The following MYO9B variants were observed in gnomAD, a reference collection of about 807,000 sequenced individuals.
MYO9B encodes the protein myosin IXB.
MYO9B carries 71 observed loss-of-function variants against 229.5 expected under a neutral mutation model. That is an observed-to-expected ratio of 0.31 (90% CI 0.26 to 0.38). MYO9B has a LOEUF of 0.38. Ranked by LOEUF, MYO9B falls within the 10% of genes least tolerant of loss-of-function variation. MYO9B has a pLI of 1.00. For synonymous variants in MYO9B, 1,185 were observed against 1,235.8 expected, an observed-to-expected ratio of 0.96 and a Z score of 0.86; for missense variants, 2,255 against 2,920.5, an observed-to-expected ratio of 0.77 and a Z score of 5.25.
At chr19:17,133,579 C>T (rs1218977211) in intron 2 of MYO9B, among the ~76,000 whole-genome samples, 1 of 151,952 alleles carries the variant, frequency 6.6e-6, no homozygotes, top group East Asian at 1.9e-4. Context: ...GCCTCAGCCT[C>T]CTGAGTATCT....
intron 21 of MYO9B, 59 bp from the exon 22 acceptor site, chr19:17,194,497 G>A: frequency 1.3e-6 from 2 of 1,563,112 alleles, no homozygotes; most frequent in Non-Finnish European, 1.7e-6. Context: ...TCGGAACTCA[G>A]TGGGAGGTGG....
At chr19:17,190,514 C>T (rs542117225) in intron 19 of MYO9B, among the ~76,000 whole-genome samples, 2 of 150,962 alleles carry the variant, frequency 1.3e-5, no homozygotes, top group South Asian at 4.2e-4. Flanking sequence ...GACTATGTGC[C>T]GTAGTCCCAG....
At chr19:17,142,196 G>A (rs949268009) in intron 2 of MYO9B, among the ~76,000 whole-genome samples, 13 of 151,022 alleles carry the variant, frequency 8.6e-5, no homozygotes, top group African/African-American at 1.7e-4. Flanking sequence ...AAAAAGAAGC[G>A]GCAACCAGAC....
At chr19:17,156,406 C>A (rs2072538231) in intron 6 of MYO9B, among the ~76,000 whole-genome samples, 1 of 151,926 alleles carries the variant, frequency 6.6e-6, no homozygotes, top group Non-Finnish European at 1.5e-5. Flanking sequence ...CAGAGTGAGA[C>A]CCTGTTTCCA....
intron 1 of MYO9B, among the ~76,000 whole-genome samples, chr19:17,076,506 A>C (rs2057485560): frequency 1.3e-5 from 2 of 152,038 alleles, no homozygotes; most frequent in South Asian, 4.2e-4. Context: ...GAGGGCCCGG[A>C]GAGGAGGGAA....
chr19:17,144,932 T>C (rs557690635), intron 2 of MYO9B, among the ~76,000 whole-genome samples: 1 of 139,578 alleles, frequency 7.2e-6, no homozygotes, highest in Admixed American at 8.2e-5. Flanking sequence ...ATTGCGCCCC[T>C]GCACTCCAGC....
At chr19:17,129,742 A>G (rs1425449320) in intron 2 of MYO9B, among the ~76,000 whole-genome samples, 2 of 152,082 alleles carry the variant, frequency 1.3e-5, no homozygotes, top group Non-Finnish European at 2.9e-5. Flanking sequence ...GCCACTCCTC[A>G]CCACAGGTCA....
intron 2 of MYO9B, among the ~76,000 whole-genome samples, chr19:17,126,503 A>G (rs1279452554): frequency 1.3e-5 from 2 of 152,192 alleles, no homozygotes; most frequent in Non-Finnish European, 2.9e-5. Flanking sequence ...GGGGCCACCC[A>G]GTCTCTGTCA....
chr19:17,205,191 A>G (rs1398612582), intron 30 of MYO9B, 72 bp from the exon 31 acceptor site: 4 of 1,241,004 alleles, frequency 3.2e-6, no homozygotes, highest in Non-Finnish European at 4.6e-6. Flanking sequence ...GCCCCCGGCC[A>G]GCTGGGTGGG....
At chr19:17,184,486 G>A (rs1236016493) in intron 16 of MYO9B, 4 of 192,806 alleles carry the variant, frequency 2.1e-5, no homozygotes, top group South Asian at 1.2e-4. Context: ...GAGCTCATGC[G>A]GATGGCACAG....
At position 17,193,245 on chromosome 19, in the gene MYO9B, G is replaced by A. The variant is rs2073005899; in HGVS notation, c.3128+183G>A. Among the ~76,000 whole-genome samples the A allele has an allele frequency of 6.6e-6, 1 of 152,214 alleles. No homozygotes were observed. Among genetic ancestry groups the A allele is most frequent in the African/African-American group, 2.4e-5 (1 of 41,452 alleles). On this transcript the variant is annotated intron_variant, in intron 21 of 39. Transcript: ENST00000682292. This position sits in a 1 kb window ranked among gnomAD's most constrained non-coding sequence, Gnocchi z 4.3. ...CATGGGCTGCAGAGAAGTGCTCCAA[G>A]GCTGGCAGGCAGCACTCAGGGACAA... is the stretch of plus-strand genomic sequence containing the variant.
At chr19:17,083,369 G>A (rs2057552592) in intron 1 of MYO9B, among the ~76,000 whole-genome samples, 1 of 152,082 alleles carries the variant, frequency 6.6e-6, no homozygotes, top group African/African-American at 2.4e-5. Flanking sequence ...CTCAGCTGCA[G>A]CATTGGTGAC....
chr19:17,202,935 G>C (rs773207541), intron 29 of MYO9B, 52 bp downstream of exon 29: 1 of 1,567,632 alleles, frequency 6.4e-7, no homozygotes, highest in Non-Finnish European at 8.7e-7. Flanking sequence ...ATTGGCAGGA[G>C]CATGCACGTG....
chr19:17,191,058 A>G (rs2145441933), intron 19 of MYO9B, 39 bp from the exon 20 acceptor site: 1 of 1,598,502 alleles, frequency 6.3e-7, no homozygotes, highest in East Asian at 2.2e-5. Flanking sequence ...TGGCCAGAAC[A>G]CTCACCTAGA....
chr19:17,181,431 A>G (rs534004762), intron 15 of MYO9B, among the ~76,000 whole-genome samples: 146 of 152,330 alleles, frequency 9.6e-4, no homozygotes, highest in African/African-American at 3.4e-3. Context: ...GATTTCCCAG[A>G]GAGGGTGGCC....
intron 4 of MYO9B, among the ~76,000 whole-genome samples, chr19:17,153,446 G>A (rs1047091920): frequency 1.5e-4 from 22 of 151,338 alleles, no homozygotes; most frequent in African/African-American, 4.6e-4. Context: ...CAGCACTTTG[G>A]GAGGCCTAAG....
chr19:17,189,504 G>A (rs1427586551), intron 19 of MYO9B, among the ~76,000 whole-genome samples: 1 of 151,746 alleles, frequency 6.6e-6, no homozygotes, highest in Non-Finnish European at 1.5e-5. Context: ...GTGCTGGCAT[G>A]CAATGTACTT....
At chr19:17,189,003 A>G (rs1411329976) in intron 19 of MYO9B, among the ~76,000 whole-genome samples, 1 of 151,574 alleles carries the variant, frequency 6.6e-6, no homozygotes, top group African/African-American at 2.4e-5. Context: ...CAAAAAAAAA[A>G]AAAAAAAATT....
intron 1 of MYO9B, among the ~76,000 whole-genome samples, chr19:17,086,385 C>A (rs2057583584): frequency 6.6e-6 from 1 of 152,220 alleles, no homozygotes; most frequent in South Asian, 2.1e-4. Flanking sequence ...CTCGTTTGCA[C>A]TGTACAGGCC....
Sources: gnomAD v4.1 joint callset for allele counts (sites outside exome capture counted in the v4.1 genomes callset) on GRCh38, gnomAD v4.1.1 for gene constraint, Gnocchi (gnomAD v3.1) non-coding constraint, MANE v1.5 for transcripts, NCBI Gene and HGNC (gene_info 2026-07-23, HGNC 2026-07-21) for gene names.